The following PCLO variants were observed in gnomAD, a reference collection of about 807,000 sequenced individuals.
PCLO encodes the protein piccolo presynaptic cytomatrix protein.
PCLO carries 82 observed loss-of-function variants against 427.5 expected under a neutral mutation model. That is an observed-to-expected ratio of 0.19 (90% confidence interval 0.16 to 0.23). The LOEUF (loss-of-function observed/expected upper bound fraction) is 0.23, where lower values mean the gene tolerates loss of function less well. Among genes scored for constraint, PCLO ranks in the 10% least tolerant of loss-of-function variants. PCLO has a pLI of 1.00. For missense variants in PCLO, 6,239 were observed against 6,115.9 expected (o/e 1.02, Z -0.67); for synonymous variants, 2,357 against 2,155.4 (o/e 1.09, Z -2.59).
intron 22 of PCLO, among the ~76,000 whole-genome samples, chr7:82,784,809 T>C (rs903449667): frequency 4.4e-4 from 67 of 152,218 alleles, no homozygotes; most frequent in African/African-American, 1.5e-3. Flanking sequence ...ACTCATTTAT[T>C]TCTCAAATCT....
Position 83,125,210 on chromosome 7 carries a change from C to T in PCLO, c.3300+9040G>A, listed in dbSNP as rs373548028. Among the ~76,000 whole-genome samples, 321 of 152,012 alleles carry T rather than the reference C, an allele frequency of 2.1e-3. 1 individual carries two copies. Among genetic ancestry groups the T allele is most frequent in the African/African-American group, 6.9e-3 (285 of 41,472 alleles). ...GAAGTGAGGAGCCTCTCTGCCCGGCCGCCCATTGTCTGGGATGTGAGGAGT... is the reference window on the plus strand; with the variant it reads ...GAAGTGAGGAGCCTCTCTGCCCGGCTGCCCATTGTCTGGGATGTGAGGAGT... On this transcript the variant is annotated intron_variant, in intron 3 of 24. Transcript: ENST00000333891.
chr7:82,831,917 C>A (rs1027965808), intron 16 of PCLO, among the ~76,000 whole-genome samples: 2 of 152,106 alleles, frequency 1.3e-5, no homozygotes, highest in Non-Finnish European at 2.9e-5. Flanking sequence ...CCACCTAACA[C>A]AATTTAAAAC....
chr7:83,138,966 A>C (rs996355812), intron 2 of PCLO, among the ~76,000 whole-genome samples: 1 of 152,286 alleles, frequency 6.6e-6, no homozygotes, highest in Non-Finnish European at 1.5e-5. Context: ...CCCAGAACTT[A>C]AAGTATAATA....
At chr7:82,913,506 T>C (rs1161575495) in intron 7 of PCLO, among the ~76,000 whole-genome samples, 2 of 151,884 alleles carry the variant, frequency 1.3e-5, no homozygotes, top group Non-Finnish European at 2.9e-5. Flanking sequence ...ATATTTTATT[T>C]CCAGAACTCC....
chr7:82,979,152 G>C (rs1488105644), intron 3 of PCLO, among the ~76,000 whole-genome samples: 1 of 152,038 alleles, frequency 6.6e-6, no homozygotes, highest in Non-Finnish European at 1.5e-5. Context: ...TCCTGTAACT[G>C]TTTATAGACT....
At chr7:83,025,132 G>A (rs1313553029) in intron 3 of PCLO, among the ~76,000 whole-genome samples, 1 of 152,124 alleles carries the variant, frequency 6.6e-6, no homozygotes, top group Non-Finnish European at 1.5e-5. Context: ...GAGAGAAGAA[G>A]GCTTCAGACG....
At chr7:82,846,738 G>A (rs978560220) in intron 11 of PCLO, 104 bp from the exon 12 acceptor site, 1 of 678,696 alleles carries the variant, frequency 1.5e-6, no homozygotes, top group Non-Finnish European at 2.5e-6. Context: ...AATGAGAAGT[G>A]GTTAATGATA....
intron 8 of PCLO, among the ~76,000 whole-genome samples, chr7:82,908,042 T>C (rs1160255434): frequency 6.6e-6 from 1 of 152,014 alleles, no homozygotes; most frequent in African/African-American, 2.4e-5. Context: ...TGATTAGGGG[T>C]TTATGTAAAT....
chr7:83,030,371 C>T (rs569168906), intron 3 of PCLO, among the ~76,000 whole-genome samples: 1 of 152,244 alleles, frequency 6.6e-6, no homozygotes, highest in Non-Finnish European at 1.5e-5. Flanking sequence ...AATTAGAGGA[C>T]AGTAGATATA....
At chr7:83,103,007 A>AGGAATTTGGAACAATTATTATAGT (rs140473409) in intron 3 of PCLO, among the ~76,000 whole-genome samples, 1 of 151,330 alleles carries the variant, frequency 6.6e-6, no homozygotes, top group Non-Finnish European at 1.5e-5. Context: ...TCCCTTCCTG[A>AGGAATTTGGAACAATTATTATAGT]GATATTTTAC....
At chr7:82,866,941 G>C (rs1364998359) in intron 10 of PCLO, among the ~76,000 whole-genome samples, 1 of 152,146 alleles carries the variant, frequency 6.6e-6, no homozygotes, top group Admixed American at 6.6e-5. Flanking sequence ...ATTCTTTCGA[G>C]TGGGGGAAAA....
At chr7:82,941,499 C>T (rs1417839762) in intron 6 of PCLO, among the ~76,000 whole-genome samples, 1 of 152,082 alleles carries the variant, frequency 6.6e-6, no homozygotes, top group East Asian at 1.9e-4. Context: ...GTGCAAAGGA[C>T]ACTGATGTGG....
intron 9 of PCLO, among the ~76,000 whole-genome samples, chr7:82,883,646 C>A (rs189109327): frequency 2.6e-5 from 4 of 152,282 alleles, no homozygotes; most frequent in Non-Finnish European, 5.9e-5. Flanking sequence ...CAAGTTTAAT[C>A]GAACTCTAAT....
Position 83,069,072 on chromosome 7 carries a change from G to A in PCLO, c.3300+65178C>T, listed in dbSNP as rs150321515. On this transcript the variant is annotated intron_variant, in intron 3 of 24. Transcript: ENST00000333891. ...ACGGGTTAGGGGGTGTGGGAAATGG[G>A]GAGATTTTGATCAAATGGCACAAAA... Among the ~76,000 whole-genome samples, 1,149 of 152,240 alleles carry A rather than the reference G, an allele frequency of 7.5e-3. 5 individuals are homozygous for A. The highest frequency in any genetic ancestry group is 0.014 in the Admixed American group (221 of 15,280).
chr7:82,953,974 C>T lies in PCLO; in HGVS notation c.6979G>A (p.Glu2327Lys). ...AAGCTACTTTTTGTTCGTTCGGCCTCCAACTCCTTTTTATCTCTGTAAGCT... is the reference window on the plus strand; with the variant it reads ...AAGCTACTTTTTGTTCGTTCGGCCTTCAACTCCTTTTTATCTCTGTAAGCT... Reference protein sequence around the residue: ...LEAYRDKKELEAERTKSSLSE... With the variant: ...LEAYRDKKELKAERTKSSLSE... The change falls in exon 5 of 25, where the codon GAG (glutamate) becomes AAG (lysine). Residue 2327 changes from glutamate (E) to lysine (K), a missense_variant. By Grantham distance (56) the Glu-to-Lys change is moderately conservative. Around this residue, in one of 5 missense-constraint regions of PCLO, gnomAD observed 4,677 missense variants for 4,468.4 expected, o/e 1.05. Coordinates refer to ENST00000333891, the MANE Select transcript of PCLO (RefSeq NM_033026.6). 3 of 1,613,920 alleles carry T rather than the reference C, an allele frequency of 1.9e-6. No homozygotes were observed. The highest frequency in any genetic ancestry group is 2.5e-6 in the Non-Finnish European group (3 of 1,179,868).
chr7:82,850,009 ATTAT>A (rs939005362), intron 10 of PCLO, among the ~76,000 whole-genome samples: 90 of 63,488 alleles, frequency 1.4e-3, no homozygotes, highest in African/African-American at 3.0e-3. Flanking sequence ...TATTATTATT[ATTAT>A]TTATTTATTT....
At chr7:82,792,017 GA>G (rs1169517704) in intron 22 of PCLO, among the ~76,000 whole-genome samples, 6 of 151,892 alleles carry the variant, frequency 4.0e-5, no homozygotes, top group Admixed American at 3.9e-4. Context: ...GAATTTCATA[GA>G]CTTTTTTTCC....
chr7:82,829,135 C>G (rs1388618168), intron 16 of PCLO, among the ~76,000 whole-genome samples: 1 of 152,150 alleles, frequency 6.6e-6, no homozygotes, highest in Non-Finnish European at 1.5e-5. Flanking sequence ...GGATCAAACT[C>G]CAGCTCACCA....
At chr7:82,867,102 T>TA (rs1158456936) in intron 10 of PCLO, among the ~76,000 whole-genome samples, 2 of 152,244 alleles carry the variant, frequency 1.3e-5, no homozygotes, top group East Asian at 3.9e-4. Context: ...TCATTAATTT[T>TA]AAAAAAAGAG....
Sources: allele counts gnomAD v4.1 joint callset (sites outside exome capture counted in the v4.1 genomes callset), GRCh38; gene constraint gnomAD v4.1.1; regional missense constraint gnomAD v4.1.1; transcripts MANE v1.5; gene names NCBI Gene and HGNC (gene_info 2026-07-23, HGNC 2026-07-21).